The following EYS variants were observed in gnomAD, a reference collection of about 807,000 sequenced individuals.
The protein encoded by EYS is EGF-like photoreceptor maintenance factor, also known as protein eyes shut homolog.
EYS carries 250 observed loss-of-function variants against 282.1 expected under a neutral mutation model. The observed-to-expected ratio is 0.89, with a 90% CI of 0.80 to 0.98. The LOEUF is 0.98. EYS is among the 50% of genes least tolerant of loss of function. The probability of loss-of-function intolerance (pLI) is 0.00; values close to 1 mark genes in which losing one functional copy is unlikely to be tolerated. For synonymous variants in EYS, 1,355 were observed against 1,282.9 expected, an observed-to-expected ratio of 1.06 and a Z score of -1.20; for missense variants, 4,016 against 3,709.0, an observed-to-expected ratio of 1.08 and a Z score of -2.15.
rs150092214 is a variant in EYS, at chr6:65,369,533, T to C, written c.1299+14853A>G. 2.9e-3 allele frequency among the ~76,000 whole-genome samples: 441 copies of C among 151,366 alleles called. 6 individuals carry two copies. The highest frequency in any genetic ancestry group is 0.01 in the African/African-American group (428 of 41,436). On this transcript the variant is annotated intron_variant, in intron 8 of 42. Transcript: ENST00000503581. ...CTGCTAGTCTGAAACAGTTTTTCTT[T>C]TGTAAGTCTGGGGTTCTCTAACTTT...
chr6:65,160,554 T>C (rs1286600578), intron 12 of EYS, among the ~76,000 whole-genome samples: 5 of 150,876 alleles, frequency 3.3e-5, no homozygotes, highest in Non-Finnish European at 7.4e-5. Flanking sequence ...AACCACCCCA[T>C]TGAATTTTAT....
At chr6:63,866,994 A>G (rs1452625591) in intron 35 of EYS, among the ~76,000 whole-genome samples, 1 of 152,186 alleles carries the variant, frequency 6.6e-6, no homozygotes, top group Non-Finnish European at 1.5e-5. Flanking sequence ...TCCTATCCAG[A>G]TCTTGTCAGA....
chr6:64,022,880 A>G (rs1440373269), intron 33 of EYS, among the ~76,000 whole-genome samples: 5 of 152,222 alleles, frequency 3.3e-5, no homozygotes, highest in African/African-American at 1.2e-4. Context: ...TAGACATAGC[A>G]AAGACCACCC....
At chr6:65,423,084 G>C (rs1451592573) in intron 5 of EYS, among the ~76,000 whole-genome samples, 1 of 151,714 alleles carries the variant, frequency 6.6e-6, no homozygotes, top group Non-Finnish European at 1.5e-5. Flanking sequence ...AAAGGATAAA[G>C]AGAATAGAGA....
At chr6:64,748,534 T>C (rs1772634272) in intron 22 of EYS, among the ~76,000 whole-genome samples, 1 of 152,204 alleles carries the variant, frequency 6.6e-6, no homozygotes, top group Non-Finnish European at 1.5e-5. Flanking sequence ...TCCAAACACT[T>C]AACCTAAAGA....
chr6:64,788,918 T>C (rs1257781069), intron 22 of EYS, among the ~76,000 whole-genome samples: 1 of 152,212 alleles, frequency 6.6e-6, no homozygotes, highest in Non-Finnish European at 1.5e-5. Context: ...GGTAAAGATG[T>C]GTTTAATCTG....
rs182534181 is a variant in EYS, at chr6:65,197,210, C to A, written c.2023+98653G>T. Among the ~76,000 whole-genome samples, 51 of 151,938 alleles carry A rather than the reference C, an allele frequency of 3.4e-4. 1 individual carries two copies. The South Asian group carries it at 0.01, about 30-fold the overall frequency. ...CTGATGTGGGGGCATATAATAACGACGCTAAAATAAATATGTAGAAAGGAT... is the reference window on the plus strand; with the variant it reads ...CTGATGTGGGGGCATATAATAACGAAGCTAAAATAAATATGTAGAAAGGAT... On this transcript the variant is annotated intron_variant, in intron 12 of 42. Transcript: ENST00000503581.
intron 35 of EYS, among the ~76,000 whole-genome samples, chr6:63,887,349 T>C (rs770547458): frequency 1.7e-5 from 2 of 115,888 alleles, no homozygotes; most frequent in African/African-American, 6.5e-5. Flanking sequence ...GAAAATAGAA[T>C]GGAGGGATTC....
At chr6:64,780,943 GAAAC>G (rs1773839712) in intron 22 of EYS, among the ~76,000 whole-genome samples, 1 of 152,076 alleles carries the variant, frequency 6.6e-6, no homozygotes. Flanking sequence ...GGGAAATTAA[GAAAC>G]AAAAATAAGG....
At chr6:63,830,556 T>C (rs1369603938) in intron 36 of EYS, among the ~76,000 whole-genome samples, 1 of 152,120 alleles carries the variant, frequency 6.6e-6, no homozygotes, top group African/African-American at 2.4e-5. Flanking sequence ...CCAAGAAATA[T>C]GGGACTATGT....
At chr6:64,391,555 C>T (rs1224852982) in intron 28 of EYS, among the ~76,000 whole-genome samples, 1 of 152,022 alleles carries the variant, frequency 6.6e-6, no homozygotes, top group Admixed American at 6.6e-5. Flanking sequence ...AAATAAAATA[C>T]TTTACAGTCA....
intron 11 of EYS, chr6:65,330,544 G>A (rs1769757399): frequency 3.0e-6 from 3 of 983,858 alleles, no homozygotes; most frequent in Admixed American, 1.2e-4. Context: ...GCAAAAAAAT[G>A]TGGTAATATG....
At chr6:64,949,349 C>G (rs1179369723) in intron 14 of EYS, among the ~76,000 whole-genome samples, 1 of 151,844 alleles carries the variant, frequency 6.6e-6, no homozygotes, top group Non-Finnish European at 1.5e-5. Flanking sequence ...ATGATTGTAG[C>G]AGAATTCATT....
At chr6:65,215,084 C>T (rs537613853) in intron 12 of EYS, among the ~76,000 whole-genome samples, 2 of 152,226 alleles carry the variant, frequency 1.3e-5, no homozygotes, top group Admixed American at 1.3e-4. Flanking sequence ...GCTAACATAA[C>T]ATTCATTCTG....
At chr6:64,578,394 G>A (rs1765949881) in intron 26 of EYS, among the ~76,000 whole-genome samples, 2 of 151,872 alleles carry the variant, frequency 1.3e-5, no homozygotes. Flanking sequence ...ACACAGTACT[G>A]GCTTTTTGCT....
rs373896855 is a variant in EYS at position 64,946,945 on chromosome 6, A to G, written c.2260-1031T>C. Among the ~76,000 whole-genome samples the G allele has an allele frequency of 1.2e-4, 19 of 152,040 alleles. No individual in the cohort carries two copies. The East Asian group carries it at 3.5e-3, about 28-fold the overall frequency. ...ACTAGAAAAGTTAAAACACAAACAG[A>G]GATCTCTTTTAATTTCTACTGAACA... On this transcript the variant is annotated intron_variant, in intron 14 of 42. Coordinates refer to ENST00000503581, the MANE Select transcript of EYS (RefSeq NM_001142800.2).
At chr6:64,359,954 A>C (rs978009934) in intron 29 of EYS, among the ~76,000 whole-genome samples, 1 of 151,618 alleles carries the variant, frequency 6.6e-6, no homozygotes, top group African/African-American at 2.4e-5. Flanking sequence ...CCATATACCA[A>C]TCCAGTCACT....
chr6:64,900,596 A>AAAAG, intron 18 of EYS, among the ~76,000 whole-genome samples: 1 of 152,328 alleles, frequency 6.6e-6, no homozygotes, highest in Middle Eastern at 3.4e-3. Flanking sequence ...TTTTCAAAAG[A>AAAAG]AGACATTTAT....
At chr6:64,720,323 A>T (rs1771535744) in intron 22 of EYS, among the ~76,000 whole-genome samples, 1 of 152,044 alleles carries the variant, frequency 6.6e-6, no homozygotes, top group Non-Finnish European at 1.5e-5. Flanking sequence ...GGTCCTTATG[A>T]TTACATCAGT....
Sources: gnomAD v4.1 joint callset for allele counts (sites outside exome capture counted in the v4.1 genomes callset) on GRCh38, gnomAD v4.1.1 for gene constraint, MANE v1.5 for transcripts, NCBI Gene and HGNC (gene_info 2026-07-23, HGNC 2026-07-21) for gene names.